Variants in ARHGAP15 observed in about 807,000 individuals in gnomAD.
ARHGAP15 encodes rho GTPase-activating protein 15.
Under a neutral mutation model 63.7 loss-of-function variants are expected in ARHGAP15, and 51 were observed. The ratio of observed to expected loss-of-function variants is 0.80; its 90% CI spans 0.64 to 1.01. ARHGAP15 has a LOEUF of 1.01. ARHGAP15 is among the 50% of genes least tolerant of loss of function. The probability of loss-of-function intolerance (pLI) is 0.00; values close to 1 mark genes in which losing one functional copy is unlikely to be tolerated. For synonymous variants in ARHGAP15, 191 were observed against 193.8 expected (o/e 0.99, Z 0.12); for missense variants, 560 against 564.6 (o/e 0.99, Z 0.08).
intron 6 of ARHGAP15, among the ~76,000 whole-genome samples, chr2:143,359,051 G>A (rs1290377126): frequency 1.3e-5 from 2 of 151,962 alleles, no homozygotes; most frequent in African/African-American, 4.8e-5. Flanking sequence ...ATTTAAACAT[G>A]TACTATCTAC....
chr2:143,761,100 G>A (rs1322782109), intron 13 of ARHGAP15, among the ~76,000 whole-genome samples: 1 of 150,734 alleles, frequency 6.6e-6, no homozygotes, highest in Non-Finnish European at 1.5e-5. Flanking sequence ...AGTGTAGATA[G>A]CAGTACAGTT....
chr2:143,533,314 T>C (rs909792041), intron 10 of ARHGAP15: 8 of 152,312 alleles, frequency 5.3e-5, no homozygotes, highest in African/African-American at 1.9e-4. Flanking sequence ...CGTGTGAACC[T>C]GTTCATTTAA....
At chr2:143,277,170 A>C (rs1451353452) in intron 6 of ARHGAP15, among the ~76,000 whole-genome samples, 2 of 152,040 alleles carry the variant, frequency 1.3e-5, no homozygotes, top group African/African-American at 4.8e-5. Context: ...CAGGCAACCT[A>C]AGCGTGGAAA....
chr2:143,749,826 T>C (rs1230685611), intron 13 of ARHGAP15, among the ~76,000 whole-genome samples: 3 of 152,308 alleles, frequency 2.0e-5, no homozygotes, highest in East Asian at 1.9e-4. Context: ...GCATGGATAA[T>C]AGTAGATAAA....
chr2:143,434,366 G>T (rs1689517201), intron 6 of ARHGAP15, among the ~76,000 whole-genome samples: 1 of 151,934 alleles, frequency 6.6e-6, no homozygotes, highest in Non-Finnish European at 1.5e-5. Context: ...AAAAACAAAT[G>T]ACAAATGAAT....
At chr2:143,385,720 T>C (rs1042571108) in intron 6 of ARHGAP15, among the ~76,000 whole-genome samples, 27 of 152,304 alleles carry the variant, frequency 1.8e-4, no homozygotes, top group African/African-American at 6.3e-4. Context: ...AAGTACCATA[T>C]TGTTCTCCGA....
At chr2:143,154,345 G>A (rs757857602) in intron 1 of ARHGAP15, among the ~76,000 whole-genome samples, 18 of 151,722 alleles carry the variant, frequency 1.2e-4, no homozygotes, top group Admixed American at 2.0e-4. Context: ...TTTTCTGTTC[G>A]TCTTAGTGTC....
At chr2:143,265,106 G>A (rs1360846252) in intron 6 of ARHGAP15, among the ~76,000 whole-genome samples, 1 of 152,122 alleles carries the variant, frequency 6.6e-6, no homozygotes, top group Admixed American at 6.6e-5. Context: ...AATTTGGCTT[G>A]AAAAGTTACA....
intron 1 of ARHGAP15, among the ~76,000 whole-genome samples, chr2:143,146,868 C>G (rs1262248097): frequency 6.6e-6 from 1 of 152,044 alleles, no homozygotes; most frequent in Non-Finnish European, 1.5e-5. Context: ...ATAGATACAA[C>G]AGCAAATTTG....
chr2:143,416,480 C>T (rs1432163734), intron 6 of ARHGAP15, among the ~76,000 whole-genome samples: 1 of 124,004 alleles, frequency 8.1e-6, no homozygotes, highest in African/African-American at 2.6e-5. Context: ...CACTCGATTG[C>T]AGTTGGTCTG....
intron 5 of ARHGAP15, among the ~76,000 whole-genome samples, chr2:143,241,265 A>T (rs1307838022): frequency 1.3e-5 from 2 of 152,224 alleles, no homozygotes; most frequent in African/African-American, 4.8e-5. Context: ...TCCTAGGTTC[A>T]TATTTTACTT....
chr2:143,318,688 A>C (rs1683848993), intron 6 of ARHGAP15, among the ~76,000 whole-genome samples: 1 of 152,074 alleles, frequency 6.6e-6, no homozygotes, highest in Non-Finnish European at 1.5e-5. Context: ...TGAGAATATT[A>C]AAATCGACCT....
At chr2:143,507,402 C>A (rs1396858748) in intron 9 of ARHGAP15, among the ~76,000 whole-genome samples, 1 of 152,122 alleles carries the variant, frequency 6.6e-6, no homozygotes, top group East Asian at 1.9e-4. Context: ...TTATTTACAG[C>A]TTCTTATTAC....
chr2:143,721,213 G>A (rs556857202), intron 13 of ARHGAP15, among the ~76,000 whole-genome samples: 2 of 152,234 alleles, frequency 1.3e-5, no homozygotes, highest in South Asian at 2.1e-4. Flanking sequence ...GAAACAGGAG[G>A]AGGAAAGAGG....
At chr2:143,585,760 T>G (rs1281034113) in intron 11 of ARHGAP15, among the ~76,000 whole-genome samples, 1 of 152,226 alleles carries the variant, frequency 6.6e-6, no homozygotes, top group East Asian at 1.9e-4. Context: ...GTCTTCCAAG[T>G]TATTTAGGAT....
intron 6 of ARHGAP15, among the ~76,000 whole-genome samples, chr2:143,375,387 C>G (rs1219401552): frequency 6.6e-6 from 1 of 152,094 alleles, no homozygotes; most frequent in Non-Finnish European, 1.5e-5. Flanking sequence ...ACTTTTATGG[C>G]CTGAAAGTAA....
chr2:143,648,028 G>C (rs564538472), intron 12 of ARHGAP15, among the ~76,000 whole-genome samples: 1 of 151,966 alleles, frequency 6.6e-6, no homozygotes, highest in African/African-American at 2.4e-5. Flanking sequence ...TCAGAGGATT[G>C]ATACTGCAGC....
chr2:143,707,501 T>C (rs866943198), intron 13 of ARHGAP15, among the ~76,000 whole-genome samples: 1 of 152,230 alleles, frequency 6.6e-6, no homozygotes, highest in Admixed American at 6.5e-5. Flanking sequence ...AATCCGATTT[T>C]GGCAGGTGTG....
chr2:143,428,126 C>T (rs1215737364), intron 6 of ARHGAP15, among the ~76,000 whole-genome samples: 1 of 151,892 alleles, frequency 6.6e-6, no homozygotes, highest in East Asian at 1.9e-4. Context: ...ATGTTATGAG[C>T]GCACTTGGGG....
Sources: allele counts gnomAD v4.1 joint callset (sites outside exome capture counted in the v4.1 genomes callset), GRCh38; gene constraint gnomAD v4.1.1; transcripts MANE v1.5; gene names NCBI Gene and HGNC (gene_info 2026-07-23, HGNC 2026-07-21).